Variants in NAV1 observed in about 807,000 individuals in gnomAD.
NAV1 encodes the protein neuron navigator 1, also known as pore membrane and/or filament interacting like protein 3.
Under a neutral mutation model 175.2 loss-of-function variants are expected in NAV1, and 18 were observed. The observed-to-expected ratio is 0.10, with a 90% CI of 0.07 to 0.15. The LOEUF is 0.15. Among genes scored for constraint, NAV1 ranks in the 10% least tolerant of loss-of-function variants. The pLI is 1.00. For synonymous variants in NAV1, 897 were observed against 978.7 expected (o/e 0.92, Z 1.56); for missense variants, 1,731 against 2,436.6 (o/e 0.71, Z 6.10).
intron 1 of NAV1, among the ~76,000 whole-genome samples, chr1:201,572,131 A>G (rs1555934): frequency 0.13 from 20,020 of 152,002 alleles, 1,353 homozygotes; most frequent in Admixed American, 0.15. Context: ...ATTAAGGGAG[A>G]AGTTATGGGA....
upstream of NAV1, among the ~76,000 whole-genome samples, chr1:201,621,897 C>T (rs1183018305): frequency 1.3e-5 from 2 of 152,112 alleles, no homozygotes; most frequent in Non-Finnish European, 2.9e-5. Context: ...TCTTTGTAAA[C>T]TGCTTTAAAT....
At chr1:201,656,263 G>A (rs1223611942) in intron 1 of NAV1, among the ~76,000 whole-genome samples, 5 of 152,212 alleles carry the variant, frequency 3.3e-5, no homozygotes, top group African/African-American at 1.2e-4. Flanking sequence ...ATTTCTGGGC[G>A]ACAGCTTTCA....
intron 1 of NAV1, among the ~76,000 whole-genome samples, chr1:201,700,398 C>T (rs1003860971): frequency 4.6e-5 from 7 of 152,224 alleles, no homozygotes; most frequent in African/African-American, 9.6e-5. Context: ...TACCATCTCA[C>T]GGCAGTTAGA....
chr1:201,587,392 A>C (rs1667066257), intron 1 of NAV1, among the ~76,000 whole-genome samples: 1 of 152,220 alleles, frequency 6.6e-6, no homozygotes, highest in Non-Finnish European at 1.5e-5. Flanking sequence ...TCTAGAATAC[A>C]TGAAGAATGA....
intron 2 of NAV1, among the ~76,000 whole-genome samples, chr1:201,594,191 G>C (rs1297799061): frequency 1.3e-5 from 2 of 152,052 alleles, no homozygotes; most frequent in Non-Finnish European, 2.9e-5. Flanking sequence ...TTGCCCATTG[G>C]TAGATCAAAA....
chr1:201,651,203 C>T (rs186178059), intron 1 of NAV1, among the ~76,000 whole-genome samples: 35 of 145,618 alleles, frequency 2.4e-4, no homozygotes, highest in Non-Finnish European at 1.2e-4. Flanking sequence ...AAGGGAGTAT[C>T]GGGGCACAGA....
At chr1:201,730,096 C>G (rs1672785990) in intron 3 of NAV1, among the ~76,000 whole-genome samples, 1 of 152,192 alleles carries the variant, frequency 6.6e-6, no homozygotes, top group South Asian at 2.1e-4. Flanking sequence ...CTCCAGGGAG[C>G]CTTTCCTGAT....
In NAV1 at chr1:201,812,770, G is replaced by T; in HGVS notation, c.5221+109G>T. On this transcript the variant is annotated intron_variant, in intron 27 of 29. Coordinates refer to ENST00000367296, the Ensembl canonical transcript of NAV1. This position sits in a 1 kb window ranked among gnomAD's most constrained non-coding sequence, Gnocchi z 4.6. ...CCTGGAGTCTTCGGCATGTAAAGGA[G>T]CTGCAAGCCTTGTGGCTTCAGACTT... 2 of 1,014,780 alleles carry T rather than the reference G, an allele frequency of 2.0e-6. No individual in the cohort carries two copies. The highest frequency in any genetic ancestry group is 3.1e-5 in the South Asian group (2 of 65,340). 62.9% of individuals were successfully genotyped at this position (1,014,780 alleles called of 1,614,324 possible). A position where few individuals can be genotyped will look rare whatever the true frequency, so the allele number is the denominator to read the frequency against.
upstream of NAV1, among the ~76,000 whole-genome samples, chr1:201,643,819 A>G (rs1219909533): frequency 6.6e-6 from 1 of 152,090 alleles, no homozygotes; most frequent in African/African-American, 2.4e-5. Context: ...CAACTGACAG[A>G]TTCCCCAGAC....
intron 3 of NAV1, among the ~76,000 whole-genome samples, chr1:201,772,312 A>T (rs1675638897): frequency 6.6e-6 from 1 of 152,226 alleles, no homozygotes; most frequent in African/African-American, 2.4e-5. Context: ...GATAGGGCTT[A>T]TGTCCACTGA....
chr1:201,744,308 GTATGTATGTATT>G (rs1441516771), intron 3 of NAV1, among the ~76,000 whole-genome samples: 100 of 132,748 alleles, frequency 7.5e-4, no homozygotes, highest in African/African-American at 2.6e-3. Flanking sequence ...GGCTATGTAT[GTATGTATGTATT>G]TATTTATTTA....
chr1:201,675,134 C>A (rs1267121), intron 1 of NAV1, among the ~76,000 whole-genome samples: 26,185 of 152,028 alleles, frequency 0.17, 2,783 homozygotes, highest in African/African-American at 0.3. Context: ...CACCTCTGAC[C>A]TGGGGATGAC....
In NAV1 at chr1:201,597,839, G is replaced by A. The variant is rs138658951; in HGVS notation, c.-33+9190G>A. On this transcript the variant is annotated intron_variant, in intron 2 of 33. Coordinates refer to the NAV1 transcript ENST00000685211. ...GTCCTGGCCCAGTGTGACGAGGTGAGGCAGGCCCCTCCCCTGTGAGGTGTG... is the reference window on the plus strand; with the variant it reads ...GTCCTGGCCCAGTGTGACGAGGTGAAGCAGGCCCCTCCCCTGTGAGGTGTG... 4.1e-3 allele frequency among the ~76,000 whole-genome samples: 632 copies of A among 152,342 alleles called. 7 individuals are homozygous for A. The highest frequency in any genetic ancestry group is 0.014 in the African/African-American group (590 of 41,574).
At chr1:201,575,424 G>A (rs569053467) in intron 1 of NAV1, among the ~76,000 whole-genome samples, 12 of 152,306 alleles carry the variant, frequency 7.9e-5, no homozygotes, top group East Asian at 7.7e-4. Context: ...GTTCAACTCA[G>A]CCAGTATTTA....
At chr1:201,777,787 C>T (rs570366749) in intron 3 of NAV1, among the ~76,000 whole-genome samples, 32 of 152,086 alleles carry the variant, frequency 2.1e-4, no homozygotes, top group African/African-American at 7.0e-4. Context: ...ACCGTGTCTA[C>T]TAAAAATACA....
intron 1 of NAV1, among the ~76,000 whole-genome samples, chr1:201,702,676 CTCTCTCTCTCTCTCTCTCTCTCTCTCT>C (rs1671479610): frequency 1.6e-5 from 2 of 125,670 alleles, no homozygotes; most frequent in Admixed American, 7.7e-5. Flanking sequence ...TGTGAATTCT[CTCTCTCTCTCTCTCTCTCTCTCTCTCT>C]CTCTCTCTCT....
chr1:201,712,518 CA>C (rs932791021), intron 1 of NAV1, among the ~76,000 whole-genome samples: 15 of 152,144 alleles, frequency 9.9e-5, no homozygotes, highest in Admixed American at 3.9e-4. Flanking sequence ...AGGGCCTCCC[CA>C]AAACAAAGCC....
At position 201,562,758 on chromosome 1, in the gene NAV1, G is replaced by T. The variant is rs192808451; in HGVS notation, c.-144+23416G>T. 7.1e-4 allele frequency among the ~76,000 whole-genome samples: 108 copies of T among 152,250 alleles called. 1 individual carries two copies. In the East Asian group the frequency reaches 0.02, roughly 28 times the overall value. ...GCTTGCAGGGTACTTCTAGGCGGTT[G>T]GTGCTCTCTCCTGGGCCTGGTGGAT... On this transcript the variant is annotated intron_variant, in intron 1 of 33. Coordinates refer to the NAV1 transcript ENST00000685211.
intron 1 of NAV1, among the ~76,000 whole-genome samples, chr1:201,542,774 A>T (rs537378091): frequency 3.9e-4 from 59 of 152,372 alleles, no homozygotes; most frequent in Non-Finnish European, 6.8e-4. Flanking sequence ...ATGCATATAA[A>T]ATTAAAGGCT....
Sources: allele counts gnomAD v4.1 joint callset (sites outside exome capture counted in the v4.1 genomes callset), GRCh38; gene constraint gnomAD v4.1.1; non-coding constraint Gnocchi (gnomAD v3.1); transcripts MANE v1.5; gene names NCBI Gene and HGNC (gene_info 2026-07-23, HGNC 2026-07-21).